The following STX8 variants were observed in gnomAD, a reference collection of about 807,000 sequenced individuals.
The protein encoded by STX8 is syntaxin-8.
A neutral mutation model predicts 37.5 loss-of-function variants in STX8; 23 were observed. The ratio of observed to expected loss-of-function variants is 0.61; its 90% CI spans 0.44 to 0.87. The LOEUF is 0.87. Ranked by LOEUF, STX8 falls within the 40% of genes least tolerant of loss-of-function variation. STX8 has a pLI of 0.00. For synonymous variants in STX8, 115 were observed against 99.1 expected (o/e 1.16, Z -0.95); for missense variants, 313 against 284.7 (o/e 1.10, Z -0.71).
At chr17:9,537,715 C>T (rs1315117520) in intron 4 of STX8, among the ~76,000 whole-genome samples, 3 of 152,156 alleles carry the variant, frequency 2.0e-5, no homozygotes, top group Admixed American at 6.5e-5. Flanking sequence ...AAAAATTGTG[C>T]TAGGCTTTGG....
At chr17:9,517,252 C>T (rs1905183075) in intron 4 of STX8, among the ~76,000 whole-genome samples, 1 of 152,156 alleles carries the variant, frequency 6.6e-6, no homozygotes, top group African/African-American at 2.4e-5. Context: ...CCACGCTAGA[C>T]TATAAGCTCC....
At chr17:9,295,428 C>A (rs550266241) in intron 7 of STX8, among the ~76,000 whole-genome samples, 69 of 152,252 alleles carry the variant, frequency 4.5e-4, no homozygotes, top group African/African-American at 1.6e-3. Context: ...AAGAAATGAA[C>A]AAATCTAGGA....
intron 7 of STX8, among the ~76,000 whole-genome samples, chr17:9,324,157 A>ACATACAC (rs1567783713): frequency 2.6e-5 from 3 of 114,208 alleles, no homozygotes; most frequent in African/African-American, 9.4e-5. Context: ...CACACACACA[A>ACATACAC]ACACAAACAC....
At chr17:9,525,351 CTT>C (rs35824131) in intron 4 of STX8, among the ~76,000 whole-genome samples, 1 of 143,660 alleles carries the variant, frequency 7.0e-6, no homozygotes, top group African/African-American at 2.5e-5. Context: ...TTTCTCTTTT[CTT>C]TTTTTTTTTT....
chr17:9,469,420 C>T (rs1905756352), intron 6 of STX8, among the ~76,000 whole-genome samples: 1 of 151,962 alleles, frequency 6.6e-6, no homozygotes, highest in Non-Finnish European at 1.5e-5. Context: ...TCTTTCTCTT[C>T]CTTTCCATAG....
In STX8 at chr17:9,453,519, G is replaced by T. The variant is rs1442022471; in HGVS notation, c.541+38310C>A. 7.1e-5 allele frequency among the ~76,000 whole-genome samples: 10 copies of T among 140,038 alleles called. No individual in the cohort carries two copies. The East Asian group carries it at 1.7e-3, about 24-fold the overall frequency. The allele number at this position is 140,038 out of a possible 152,430, so 91.9% of individuals were successfully genotyped here. A position where few individuals can be genotyped will look rare whatever the true frequency, so the allele number is the denominator to read the frequency against. On this transcript the variant is annotated intron_variant, in intron 6 of 7. Coordinates refer to ENST00000306357, the MANE Select transcript of STX8 (RefSeq NM_004853.3). ...TTTTTTTTTTTTTTTTTGAGATGGG[G>T]TCTCACTCTGTTGCCCAGGCTGGAG... is the stretch of plus-strand genomic sequence containing the variant.
intron 7 of STX8, among the ~76,000 whole-genome samples, chr17:9,284,929 C>A (rs979426966): frequency 1.3e-5 from 2 of 152,134 alleles, no homozygotes; most frequent in African/African-American, 4.8e-5. Flanking sequence ...TTTTCAAAGT[C>A]ATGGGTGGGG....
At chr17:9,319,126 T>C (rs917696223) in intron 7 of STX8, among the ~76,000 whole-genome samples, 9 of 152,312 alleles carry the variant, frequency 5.9e-5, no homozygotes, top group Admixed American at 1.3e-4. Context: ...TGTTGATATA[T>C]TAAAAAATTA....
intron 4 of STX8, among the ~76,000 whole-genome samples, chr17:9,529,066 G>T (rs1046323822): frequency 5.3e-5 from 8 of 152,168 alleles, no homozygotes; most frequent in African/African-American, 1.9e-4. Context: ...GAAAGAACTG[G>T]AGGGTGATAT....
At chr17:9,371,197 C>T (rs1415428038) in intron 7 of STX8, among the ~76,000 whole-genome samples, 1 of 152,118 alleles carries the variant, frequency 6.6e-6, no homozygotes, top group Non-Finnish European at 1.5e-5. Flanking sequence ...ACTGATACAT[C>T]GGCCCATCAA....
At chr17:9,513,091 A>G (rs1340891027) in intron 4 of STX8, among the ~76,000 whole-genome samples, 1 of 152,020 alleles carries the variant, frequency 6.6e-6, no homozygotes. Context: ...GTGAAAAGAC[A>G]ATCTATAGGA....
chr17:9,289,635 C>T (rs1908239398), intron 7 of STX8, among the ~76,000 whole-genome samples: 1 of 150,546 alleles, frequency 6.6e-6, no homozygotes, highest in African/African-American at 2.4e-5. Context: ...AAAAAATCAG[C>T]TGGGTGTGGT....
At chr17:9,326,582 T>C (rs1190352293) in intron 7 of STX8, among the ~76,000 whole-genome samples, 1 of 152,202 alleles carries the variant, frequency 6.6e-6, no homozygotes, top group Non-Finnish European at 1.5e-5. Flanking sequence ...TGGACTCTGG[T>C]GGAGTTACGA....
intron 3 of STX8, among the ~76,000 whole-genome samples, chr17:9,548,212 C>T (rs1261152069): frequency 1.3e-5 from 2 of 152,154 alleles, no homozygotes; most frequent in African/African-American, 2.4e-5. Flanking sequence ...TTAAGCAATT[C>T]TCCTGCCTCA....
chr17:9,414,818 T>C (rs1913124964), intron 6 of STX8, among the ~76,000 whole-genome samples: 2 of 147,094 alleles, frequency 1.4e-5, no homozygotes, highest in South Asian at 4.5e-4. Context: ...GAGTTGGAGT[T>C]TCTCTCTTGT....
intron 6 of STX8, among the ~76,000 whole-genome samples, chr17:9,468,950 C>A (rs537556820): frequency 6.6e-6 from 1 of 152,300 alleles, no homozygotes; most frequent in African/African-American, 2.4e-5. Flanking sequence ...TACAAAAGCC[C>A]CTCCGAGGCT....
chr17:9,411,084 T>C (rs924230114), intron 6 of STX8, among the ~76,000 whole-genome samples: 3 of 152,222 alleles, frequency 2.0e-5, no homozygotes, highest in Non-Finnish European at 4.4e-5. Context: ...CAAACAAATA[T>C]ATACTTTATC....
chr17:9,281,686 C>A (rs978770400), intron 7 of STX8, among the ~76,000 whole-genome samples: 3 of 152,274 alleles, frequency 2.0e-5, no homozygotes, highest in Admixed American at 1.3e-4. Flanking sequence ...GTAATCCCAG[C>A]ACTTTGGGAG....
chr17:9,573,514 T>C (rs1907767399), intron 1 of STX8, among the ~76,000 whole-genome samples: 1 of 152,222 alleles, frequency 6.6e-6, no homozygotes, highest in African/African-American at 2.4e-5. Context: ...CATGTATTAA[T>C]TCATGTATTA....
Sources: allele counts gnomAD v4.1 joint callset (sites outside exome capture counted in the v4.1 genomes callset), GRCh38; gene constraint gnomAD v4.1.1; transcripts MANE v1.5; gene names NCBI Gene and HGNC (gene_info 2026-07-23, HGNC 2026-07-21).